Variants in OBP2B observed in about 807,000 individuals in gnomAD.
OBP2B encodes odorant binding protein 2B, also known as odorant-binding protein 2b.
A neutral mutation model predicts 21.7 loss-of-function variants in OBP2B; 10 were observed. The observed-to-expected ratio is 0.46, with a 90% CI of 0.28 to 0.78. OBP2B has a LOEUF of 0.78. Among genes scored for constraint, OBP2B ranks in the 30% least tolerant of loss-of-function variants. The pLI is 0.11. For synonymous variants in OBP2B, 73 were observed against 91.5 expected (o/e 0.80, Z 1.16); for missense variants, 153 against 217.7 (o/e 0.70, Z 1.87).
chr9:133,206,416 C>T lies in OBP2B; in HGVS notation c.389G>A (p.Gly130Asp). ...GGLLHMGKLV[G>D]RNSDTNREAL... is the part of the protein sequence containing the mutation. The stretch of plus-strand genomic sequence containing the variant: ...CTCCCGGTTGGTATCAGAATTCCTA[C>T]CTGCAGGTGAGGTGGCCAGGTGAGC... Residue 130 changes from glycine (G) to aspartate (D), a missense_variant and splice_region_variant, in exon 5 of 7, where the codon GGT becomes GAT. This residue lies in a region of OBP2B where 151 missense variants were observed against 186.3 expected (regional missense o/e 0.81). Coordinates refer to ENST00000372034, the MANE Select transcript of OBP2B (RefSeq NM_014581.4). The T allele has an allele frequency of 1.2e-6, 2 of 1,613,794 alleles. No homozygotes were observed. The highest frequency in any genetic ancestry group is 1.7e-6 in the Non-Finnish European group (2 of 1,179,796).
At chr9:133,206,602 G>T in intron 4 of OBP2B, 186 bp from the exon 5 acceptor site, 1 of 712,722 alleles carries the variant, frequency 1.4e-6, no homozygotes, top group Non-Finnish European at 2.3e-6. Context: ...AGGACAAGGG[G>T]AGAGACCCAA....
the OBP2B span, among the ~76,000 whole-genome samples, chr9:133,221,769 G>C: frequency 6.6e-6 from 1 of 152,332 alleles, no homozygotes. Context: ...TGCATGGTGA[G>C]TTGGATTCAA....
At chr9:133,209,698 G>T (rs1833870638), upstream of OBP2B, among the ~76,000 whole-genome samples, 2 of 152,144 alleles carry the variant, frequency 1.3e-5, no homozygotes, top group Admixed American at 1.3e-4. This position sits in a 1 kb window ranked among gnomAD's most constrained non-coding sequence, Gnocchi z 6.0. Context: ...GCTGCCAGCT[G>T]AGTCCCGCAC....
chr9:133,206,221 G>A (rs1481912802), intron 5 of OBP2B, 94 bp downstream of exon 5: 14 of 1,380,842 alleles, frequency 1.0e-5, no homozygotes, highest in East Asian at 6.9e-5. Context: ...CGGGGAATGC[G>A]GGGGACATGG....
At chr9:133,217,379 C>T in the OBP2B span, among the ~76,000 whole-genome samples, 13 of 152,324 alleles carry the variant, frequency 8.5e-5, no homozygotes, top group Admixed American at 5.9e-4. Flanking sequence ...AGCCAGCAGG[C>T]GCTTCTCTTG....
At chr9:133,218,550 CAG>C in the OBP2B span, among the ~76,000 whole-genome samples, 3 of 152,182 alleles carry the variant, frequency 2.0e-5, no homozygotes, top group Non-Finnish European at 4.4e-5. Flanking sequence ...TCCAGGAGAA[CAG>C]GGGATGGACC....
At chr9:133,221,072 T>C in the OBP2B span, among the ~76,000 whole-genome samples, 1 of 152,226 alleles carries the variant, frequency 6.6e-6, no homozygotes, top group Non-Finnish European at 1.5e-5. Context: ...AGAGCTGGAA[T>C]GAAGCATCTG....
In OBP2B at chr9:133,205,932, C is replaced by T. The variant is rs11244035; in HGVS notation, c.499G>A (p.Val167Ile). The change falls in exon 6 of 7, where the codon GTT becomes ATT. Residue 167 changes from valine (V) to isoleucine (I), a missense_variant. Val to Ile is a conservative substitution (Grantham distance 29). Coordinates refer to ENST00000372034, the MANE Select transcript of OBP2B (RefSeq NM_014581.4). Reference sequence around the variant, plus strand: ...GCTCACTCACCCTAGTGTTCGGGAACGCAGCTTCCTGCAGAGACCAAGAAA... The same window carrying T: ...GCTCACTCACCCTAGTGTTCGGGAATGCAGCTTCCTGCAGAGACCAAGAAA... Reference protein sequence around the residue: ...IFTPLQTGSCVPEH With the variant: ...IFTPLQTGSCIPEH The T allele has an allele frequency of 0.043, 62,429 of 1,445,958 alleles. 2,507 individuals are homozygous for T. The highest frequency in any genetic ancestry group is 0.055 in the Middle Eastern group (307 of 5,622). The allele number at this position is 1,445,958 out of a possible 1,614,324, so 89.6% of individuals were successfully genotyped here.
intron 3 of OBP2B, 55 bp from the exon 4 acceptor site, chr9:133,207,391 G>GAAGAAACAC: frequency 8.3e-7 from 1 of 1,201,296 alleles, no homozygotes; most frequent in Non-Finnish European, 1.2e-6. Flanking sequence ...GGGGCCACAT[G>GAAGAAACAC]AAGAAACACT....
Position 133,205,706 on chromosome 9 carries a change from G to A in OBP2B, c.*1+211C>T, listed in dbSNP as rs529881394. 2.7e-5 allele frequency: 15 copies of A among 551,746 alleles called. No homozygotes were observed. The African/African-American group carries it at 2.7e-4, about 10-fold the overall frequency. 34.2% of individuals were successfully genotyped at this position (551,746 alleles called of 1,614,324 possible). A position where few individuals can be genotyped will look rare whatever the true frequency, so the allele number is the denominator to read the frequency against. ...GAAAGGCCGAGGAGGACCCTCACTC[G>A]GGCTGGCAGGTGCAGGAATGATAAA... On this transcript the variant is annotated intron_variant, in intron 6 of 6. Coordinates refer to ENST00000372034, the MANE Select transcript of OBP2B (RefSeq NM_014581.4).
chr9:133,221,188 G>A, the OBP2B span, among the ~76,000 whole-genome samples: 2 of 152,228 alleles, frequency 1.3e-5, no homozygotes, highest in African/African-American at 4.8e-5. Flanking sequence ...AGGGGAGCAT[G>A]AATATCTATT....
chr9:133,205,858 C>A, intron 6 of OBP2B, 59 bp downstream of exon 6: 1 of 1,613,228 alleles, frequency 6.2e-7, no homozygotes. Context: ...GATGTACCCT[C>A]GAACCCCGGG....
upstream of OBP2B, among the ~76,000 whole-genome samples, chr9:133,209,898 C>T (rs1380213666): frequency 2.6e-5 from 4 of 152,216 alleles, no homozygotes; most frequent in Non-Finnish European, 4.4e-5. The surrounding 1 kb of genome is among the most constrained non-coding windows in gnomAD (Gnocchi z 6.0). Flanking sequence ...CACTCCGTAC[C>T]GGAGCCTGGC....
At chr9:133,205,447 G>A in intron 6 of OBP2B, 36 bp from the exon 7 acceptor site, 1 of 1,077,142 alleles carries the variant, frequency 9.3e-7, no homozygotes, top group Non-Finnish European at 1.3e-6. Flanking sequence ...CAGGGAGGCT[G>A]CAGGGTAGGG....
At chr9:133,218,191 G>A in the OBP2B span, among the ~76,000 whole-genome samples, 2 of 152,212 alleles carry the variant, frequency 1.3e-5, no homozygotes, top group Non-Finnish European at 2.9e-5. Context: ...GAGTCCAGGT[G>A]GCAGGAGCAT....
the OBP2B span, among the ~76,000 whole-genome samples, chr9:133,219,191 C>T: frequency 6.6e-6 from 1 of 152,230 alleles, no homozygotes; most frequent in South Asian, 2.1e-4. Context: ...ATGTGTAAAT[C>T]TCTGTGACTT....
chr9:133,213,141 G>A (rs1220507771), upstream of OBP2B, among the ~76,000 whole-genome samples: 3 of 151,988 alleles, frequency 2.0e-5, no homozygotes. Flanking sequence ...TTAGGGGGCT[G>A]AAGCAGGAGA....
In OBP2B at chr9:133,205,565, C is replaced by T. The variant is rs1463227327; in HGVS notation, c.*2-154G>A. 7 of 620,362 alleles carry T rather than the reference C, an allele frequency of 1.1e-5. 1 individual carries two copies. In the Admixed American group the frequency reaches 1.5e-4, roughly 13 times the overall value. The allele number at this position is 620,362 out of a possible 1,614,324, so 38.4% of individuals were successfully genotyped here. On this transcript the variant is annotated intron_variant, in intron 6 of 6. Transcript: ENST00000372034. ...GACCTCAGCTCCTCCAATGACTGGG[C>T]AGGCCTCTGAGCATCCTTGGTGGGT... is the stretch of plus-strand genomic sequence containing the variant.
chr9:133,209,419 A>G (rs7871578), upstream of OBP2B, among the ~76,000 whole-genome samples: 314 of 152,262 alleles, frequency 2.1e-3, 1 homozygote, highest in African/African-American at 7.1e-3. The surrounding 1 kb of genome is among the most constrained non-coding windows in gnomAD (Gnocchi z 6.0). Context: ...CAGCCAGAGA[A>G]GAAAAGACAC....
Sources: allele counts gnomAD v4.1 joint callset (sites outside exome capture counted in the v4.1 genomes callset), GRCh38; gene constraint gnomAD v4.1.1; regional missense constraint gnomAD v4.1.1; non-coding constraint Gnocchi (gnomAD v3.1); transcripts MANE v1.5; gene names NCBI Gene and HGNC (gene_info 2026-07-23, HGNC 2026-07-21).